The following TBC1D8B variants were observed in gnomAD, a reference collection of about 807,000 sequenced individuals.
TBC1D8B encodes TBC1 domain family member 8B, also known as RP11-321G1.1.
Under a neutral mutation model 82.9 loss-of-function variants are expected in TBC1D8B, and 75 were observed. That is an observed-to-expected ratio of 0.90 (90% confidence interval 0.75 to 1.10). The LOEUF is 1.10. TBC1D8B is among the 50% of genes least tolerant of loss of function. TBC1D8B has a pLI of 0.00. For missense variants in TBC1D8B, 794 were observed against 796.9 expected (o/e 1.00, Z 0.04); for synonymous variants, 276 against 276.8 (o/e 1.00, Z 0.03).
intron 9 of TBC1D8B, 65 bp downstream of exon 9, chrX:106,840,263 C>A (rs772650991): frequency 9.6e-7 from 1 of 1,046,600 alleles, no homozygotes; most frequent in Non-Finnish European, 1.3e-6. Context: ...GAGTTATGCC[C>A]TAAGCTAAAG....
intron 18 of TBC1D8B, among the ~76,000 whole-genome samples, chrX:106,868,847 G>T (rs747102131): frequency 8.9e-6 from 1 of 112,201 alleles, no homozygotes; most frequent in African/African-American, 3.2e-5. Context: ...CACTGTAGGT[G>T]TAGGAGACAG....
chrX:106,860,589 C>A (rs2147768935), intron 14 of TBC1D8B, among the ~76,000 whole-genome samples: 1 of 110,324 alleles, frequency 9.1e-6, no homozygotes, highest in South Asian at 3.9e-4. Flanking sequence ...TTTGTCATTT[C>A]TGATTGTGTC....
intron 14 of TBC1D8B, among the ~76,000 whole-genome samples, chrX:106,859,678 G>T (rs1457424569): frequency 1.8e-5 from 2 of 111,589 alleles, no homozygotes; most frequent in African/African-American, 6.5e-5. Flanking sequence ...CTATTTGGAT[G>T]CCTTTTATTT....
At chrX:106,860,959 T>C (rs1273529857) in intron 14 of TBC1D8B, among the ~76,000 whole-genome samples, 1 of 112,446 alleles carries the variant, frequency 8.9e-6, no homozygotes. Flanking sequence ...TTTCTTGATT[T>C]ATTCCTTAGT....
At chrX:106,842,873 A>G (rs111410539) in intron 10 of TBC1D8B, among the ~76,000 whole-genome samples, 2,528 of 110,780 alleles carry the variant, frequency 0.023, 48 homozygotes, top group Middle Eastern at 0.088. Context: ...CTACCAACCC[A>G]AGCAATCACT....
At chrX:106,851,156 G>A (rs958258964) in intron 12 of TBC1D8B, among the ~76,000 whole-genome samples, 4 of 112,164 alleles carry the variant, frequency 3.6e-5, no homozygotes, top group Non-Finnish European at 1.9e-5. Flanking sequence ...TTCGGAGGCC[G>A]AGGCAGGTGG....
In TBC1D8B at chrX:106,840,772, T is replaced by A. The variant is rs1463289330; in HGVS notation, c.1607T>A (p.Leu536Ter). The change falls in exon 10 of 21, where the codon TTA (leucine) becomes TAA (stop). Residue 536 changes from leucine (L) to a stop codon, truncating the protein, a stop_gained. Transcript: ENST00000357242. LOFTEE classifies it high-confidence loss of function. ...GCTACTGAAGAAATTGAACGTGATTTACGTCGCTCTCTGCCTGAGCACCCA... is the reference window on the plus strand; with the variant it reads ...GCTACTGAAGAAATTGAACGTGATTAACGTCGCTCTCTGCCTGAGCACCCA... ...NLATEEIERD[L>*]RRSLPEHPAF... The A allele has an allele frequency of 1.7e-6, 2 of 1,211,155 alleles. No homozygotes were observed. Among genetic ancestry groups the A allele is most frequent in the Admixed American group, 2.2e-5 (1 of 45,964 alleles).
At chrX:106,819,231 C>T (rs1028036740) in intron 2 of TBC1D8B, among the ~76,000 whole-genome samples, 1 of 110,909 alleles carries the variant, frequency 9.0e-6, no homozygotes, top group African/African-American at 3.3e-5. Context: ...TTCCCACCTT[C>T]TCAGAAAAAG....
Position 106,865,755 on chromosome X carries a change from C to T in TBC1D8B, c.2422-38C>T, listed in dbSNP as rs780103205. The T allele has an allele frequency of 1.3e-4, 151 of 1,133,208 alleles. No homozygotes were observed. In the South Asian group the frequency reaches 3.1e-3, roughly 23 times the overall value. 93.4% of individuals were successfully genotyped at this position (1,133,208 alleles called of 1,213,427 possible). On this transcript the variant is annotated intron_variant, in intron 15 of 20. Coordinates refer to ENST00000357242, the MANE Select transcript of TBC1D8B (RefSeq NM_017752.3). ...TTAAAATCTTCCAAAATTACTTTTT[C>T]TAATTAGTAACTTTCCTTTTTTATT...
At chrX:106,803,069 A>G in intron 1 of TBC1D8B, 86 bp downstream of exon 1, 2 of 1,036,836 alleles carry the variant, frequency 1.9e-6, no homozygotes, top group Non-Finnish European at 1.3e-6. Context: ...CGTCGCTACC[A>G]GTTTCCCGAT....
At chrX:106,825,480 A>G (rs774764632) in intron 5 of TBC1D8B, among the ~76,000 whole-genome samples, 1 of 112,079 alleles carries the variant, frequency 8.9e-6, no homozygotes, top group Admixed American at 9.5e-5. Flanking sequence ...CCAACATAGT[A>G]CAAGCAGTAT....
intron 2 of TBC1D8B, 77 bp from the exon 3 acceptor site, chrX:106,820,800 C>A: frequency 1.5e-6 from 1 of 664,418 alleles, no homozygotes; most frequent in Non-Finnish European, 2.3e-6. Context: ...TCTTTTTAAA[C>A]TATGCTTTTA....
At chrX:106,845,093 G>T (rs375766094) in intron 10 of TBC1D8B, among the ~76,000 whole-genome samples, 183 of 109,524 alleles carry the variant, frequency 1.7e-3, no homozygotes, top group African/African-American at 5.8e-3. Context: ...AATAATTTGA[G>T]TCCCCCTTCT....
At chrX:106,872,455 TTA>T (rs61326496) in intron 20 of TBC1D8B, among the ~76,000 whole-genome samples, 1,538 of 73,190 alleles carry the variant, frequency 0.021, 32 homozygotes, top group African/African-American at 0.049. Context: ...AGAAAAATAT[TTA>T]TATATATATA....
chrX:106,850,100 A>T lies in TBC1D8B; in HGVS notation c.1913A>T (p.Asp638Val). 1.7e-6 allele frequency: 2 copies of T among 1,211,500 alleles called. No homozygotes were observed. ...CCTCAGCTGACAGAACACATGACTG[A>T]TATGACATTCTTTTCCTCAGTTTCT... ...HLPQLTEHMT[D>V]MTFFSSVSLS... The change falls in exon 12 of 21, where the codon GAT (aspartate) becomes GTT (valine). Residue 638 changes from aspartate to valine, a missense_variant. Asp to Val is a radical substitution (Grantham distance 152, BLOSUM62 -3). Transcript: ENST00000357242.
At chrX:106,851,676 G>C (rs930003570) in intron 12 of TBC1D8B, among the ~76,000 whole-genome samples, 7 of 104,391 alleles carry the variant, frequency 6.7e-5, no homozygotes, top group African/African-American at 2.5e-4. Context: ...TTCATTTTTT[G>C]TCCTTGCGAT....
intron 7 of TBC1D8B, among the ~76,000 whole-genome samples, chrX:106,830,555 AC>A (rs1373917327): frequency 9.0e-6 from 1 of 111,160 alleles, no homozygotes; most frequent in African/African-American, 3.3e-5. Context: ...CAAATGTCCA[AC>A]AATGATAGAC....
At chrX:106,839,242 T>C (rs777812826) in intron 7 of TBC1D8B, 66 bp from the exon 8 acceptor site, 8 of 1,051,938 alleles carry the variant, frequency 7.6e-6, no homozygotes, top group Non-Finnish European at 1.0e-5. Flanking sequence ...CAGTAAACAT[T>C]AGAACTTTTT....
At chrX:106,827,105 A>G in intron 6 of TBC1D8B, 65 bp from the exon 7 acceptor site, 1 of 1,143,575 alleles carries the variant, frequency 8.7e-7, no homozygotes, top group Non-Finnish European at 1.2e-6. Flanking sequence ...AGCCAAACAC[A>G]TTTTACTTGA....
Sources: allele counts gnomAD v4.1 joint callset (sites outside exome capture counted in the v4.1 genomes callset), GRCh38; gene constraint gnomAD v4.1.1; transcripts MANE v1.5; gene names NCBI Gene and HGNC (gene_info 2026-07-23, HGNC 2026-07-21).